Variants in LHFPL3 observed in about 807,000 individuals in gnomAD.
LHFPL3 encodes LHFPL tetraspan subfamily member 3, also known as LHFPL tetraspan subfamily member 3 protein.
In LHFPL3, 5 loss-of-function variants were observed where a neutral mutation model predicts 19.3. That is an observed-to-expected ratio of 0.26 (90% CI 0.14 to 0.54). The LOEUF (loss-of-function observed/expected upper bound fraction) is 0.54. LHFPL3 is among the 20% of genes least tolerant of loss of function. The pLI is 0.94. For missense variants in LHFPL3, 249 were observed against 307.4 expected (o/e 0.81, Z 1.42); for synonymous variants, 133 against 126.2 (o/e 1.05, Z -0.36).
chr7:104,530,709 G>A (rs142871181), intron 1 of LHFPL3, among the ~76,000 whole-genome samples: 15 of 152,254 alleles, frequency 9.9e-5, no homozygotes, highest in African/African-American at 2.9e-4. Context: ...TTTAAGAAAC[G>A]GAACTGATTT....
chr7:104,651,578 G>T (rs1407791042), intron 1 of LHFPL3, among the ~76,000 whole-genome samples: 1 of 152,206 alleles, frequency 6.6e-6, no homozygotes. Flanking sequence ...ATGCAGGCAG[G>T]ACTAAGTTGG....
At chr7:104,479,334 C>G (rs888733928) in intron 1 of LHFPL3, among the ~76,000 whole-genome samples, 1 of 151,946 alleles carries the variant, frequency 6.6e-6, no homozygotes, top group African/African-American at 2.4e-5. Context: ...CCTGCAAGTT[C>G]TATTCCACAT....
At chr7:104,594,591 T>C (rs1184911114) in intron 1 of LHFPL3, among the ~76,000 whole-genome samples, 1 of 152,212 alleles carries the variant, frequency 6.6e-6, no homozygotes, top group East Asian at 1.9e-4. Flanking sequence ...CCTGCCTTGC[T>C]GTATTGGGGA....
chr7:104,432,338 C>T (rs1792018752), intron 1 of LHFPL3, among the ~76,000 whole-genome samples: 2 of 152,116 alleles, frequency 1.3e-5, no homozygotes, highest in Admixed American at 6.6e-5. Context: ...TAGAAGACTC[C>T]CTCTCATCAG....
intron 1 of LHFPL3, among the ~76,000 whole-genome samples, chr7:104,630,045 C>T (rs527544848): frequency 1.1e-4 from 17 of 152,222 alleles, no homozygotes; most frequent in African/African-American, 3.6e-4. Flanking sequence ...AGCAAGAAGC[C>T]TCTGATAAGC....
intron 1 of LHFPL3, among the ~76,000 whole-genome samples, chr7:104,462,801 C>G (rs1336367536): frequency 6.6e-6 from 1 of 152,064 alleles, no homozygotes; most frequent in African/African-American, 2.4e-5. Flanking sequence ...TTTGTCATAG[C>G]TTCAATGGAA....
intron 1 of LHFPL3, among the ~76,000 whole-genome samples, chr7:104,467,337 C>T (rs56401398): frequency 0.011 from 1,720 of 152,310 alleles, 24 homozygotes; most frequent in African/African-American, 0.039. Context: ...GTTTAACTCA[C>T]ATCTCAGCAA....
At chr7:104,894,562 T>A (rs1211031581) in intron 2 of LHFPL3, 2 of 152,260 alleles carry the variant, frequency 1.3e-5, no homozygotes, top group East Asian at 3.8e-4. Flanking sequence ...CACTCAGACA[T>A]CATCCTTGAT....
At chr7:104,805,027 C>T (rs531322343) in intron 2 of LHFPL3, among the ~76,000 whole-genome samples, 1 of 152,332 alleles carries the variant, frequency 6.6e-6, no homozygotes, top group African/African-American at 2.4e-5. Flanking sequence ...CCAGCCAGCA[C>T]CCAGTGCCAA....
At chr7:104,593,000 T>C (rs1302622406) in intron 1 of LHFPL3, among the ~76,000 whole-genome samples, 3 of 152,182 alleles carry the variant, frequency 2.0e-5, no homozygotes, top group African/African-American at 4.8e-5. Context: ...CCTGGATTCA[T>C]TGATTTTTTT....
chr7:104,424,349 T>C (rs1247470644), intron 1 of LHFPL3, among the ~76,000 whole-genome samples: 3 of 152,112 alleles, frequency 2.0e-5, no homozygotes. Flanking sequence ...TGTACGAAGG[T>C]ACAGAAAGAA....
At chr7:104,902,622 A>C (rs1792511280) in intron 2 of LHFPL3, among the ~76,000 whole-genome samples, 1 of 152,014 alleles carries the variant, frequency 6.6e-6, no homozygotes, top group South Asian at 2.1e-4. Context: ...CCCCATCTGT[A>C]CTAAAAATAA....
rs1356816416 is a variant in LHFPL3, at chr7:104,474,670, GACA to G, written c.445+145463_445+145465del. Among the ~76,000 whole-genome samples the G allele has an allele frequency of 2.0e-3, 211 of 106,066 alleles. 22 individuals carry two copies. In the Middle Eastern group the frequency reaches 0.023, roughly 12 times the overall value. 69.6% of individuals were successfully genotyped at this position (106,066 alleles called of 152,430 possible). A position where few individuals can be genotyped will look rare whatever the true frequency, so the allele number is the denominator to read the frequency against. On this transcript the variant is annotated intron_variant, in intron 1 of 2. Transcript: ENST00000424859. ...CGACAGAGCAAGACTCCATCACAAC[GACA>G]ACAACAACAACAACAAAAAAAAAAA...
intron 1 of LHFPL3, among the ~76,000 whole-genome samples, chr7:104,604,428 G>T (rs190764805): frequency 3.3e-5 from 5 of 152,306 alleles, no homozygotes; most frequent in Admixed American, 3.3e-4. Flanking sequence ...GCTCTGAAAT[G>T]CCTTCAAGGT....
At chr7:104,350,857 T>TTCGAGACCAGAC (rs1790159897) in intron 1 of LHFPL3, among the ~76,000 whole-genome samples, 1 of 152,054 alleles carries the variant, frequency 6.6e-6, no homozygotes, top group Non-Finnish European at 1.5e-5. Context: ...CTGGCCAACA[T>TTCGAGACCAGAC]GGTGAAACCC....
rs371532934 is a variant in LHFPL3, at chr7:104,328,818, C to T, written c.39C>T (p.Ala13=). 2.1e-5 allele frequency: 34 copies of T among 1,611,138 alleles called. No homozygotes were observed. The African/African-American group carries it at 3.9e-4, about 18-fold the overall frequency. ...GAAAAAAAAA[A]AMLPAQEAAK... ...CCGCCGCTGCCGCCGCCGCCGCCGC[C>T]GCGATGCTCCCGGCTCAGGAGGCTG... The change falls in exon 1 of 3, where the codon GCC becomes GCT. Residue 13 remains alanine, a synonymous_variant. Coordinates refer to ENST00000424859, the MANE Select transcript of LHFPL3 (RefSeq NM_199000.3). This position sits in a 1 kb window ranked among gnomAD's most constrained non-coding sequence, Gnocchi z 4.6.
chr7:104,793,665 G>T (rs1790065678), intron 2 of LHFPL3, among the ~76,000 whole-genome samples: 1 of 152,140 alleles, frequency 6.6e-6, no homozygotes, highest in Non-Finnish European at 1.5e-5. Context: ...GGTTTGTTTT[G>T]GTTTGGTTTT....
At chr7:104,385,963 C>G (rs1360975068) in intron 1 of LHFPL3, among the ~76,000 whole-genome samples, 2 of 151,668 alleles carry the variant, frequency 1.3e-5, no homozygotes, top group East Asian at 3.9e-4. Context: ...TCATCAAAAT[C>G]AATTTTTTGA....
At chr7:104,710,051 G>A (rs947577123) in intron 1 of LHFPL3, among the ~76,000 whole-genome samples, 9 of 152,206 alleles carry the variant, frequency 5.9e-5, no homozygotes, top group African/African-American at 1.2e-4. Flanking sequence ...CTGAGTGAGC[G>A]AGACTCCGTC....
Sources: gnomAD v4.1 joint callset for allele counts (sites outside exome capture counted in the v4.1 genomes callset) on GRCh38, gnomAD v4.1.1 for gene constraint, Gnocchi (gnomAD v3.1) non-coding constraint, MANE v1.5 for transcripts, NCBI Gene and HGNC (gene_info 2026-07-23, HGNC 2026-07-21) for gene names.